The following RTBDN variants were observed in gnomAD, a reference collection of about 807,000 sequenced individuals.
The protein encoded by RTBDN is retbindin.
In RTBDN, 24 loss-of-function variants were observed where a neutral mutation model predicts 21.9. That is an observed-to-expected ratio of 1.10 (90% CI 0.79 to 1.54). RTBDN has a LOEUF of 1.54. Among genes scored for constraint, RTBDN ranks in the 40% most tolerant of loss-of-function variants. The pLI is 0.00. For synonymous variants in RTBDN, 141 were observed against 125.9 expected (o/e 1.12, Z -0.80); for missense variants, 325 against 315.2 (o/e 1.03, Z -0.23).
At position 12,825,889 on chromosome 19, in the gene RTBDN, G is replaced by A. The variant is rs756953519; in HGVS notation, c.507C>T (p.His169=). Residue 169 remains histidine (H), a synonymous_variant, in exon 6 of 6, where the codon CAC becomes CAT. Coordinates refer to ENST00000674343, the MANE Select transcript of RTBDN (RefSeq NM_001270441.2). ...GTDLCRSALG[H]ALPVAAPGAR... is the part of the protein sequence containing the mutation. ...CTCCAGGAGCAGCCACCGGTAGGGC[G>A]TGGCCCAGAGCCGAGCGACAAAGGT... The A allele has an allele frequency of 3.7e-6, 6 of 1,612,564 alleles. No homozygotes were observed. Among genetic ancestry groups the A allele is most frequent in the South Asian group, 1.1e-5 (1 of 90,866 alleles).
chr19:12,834,617 C>G, upstream of RTBDN: 1 of 1,515,380 alleles, frequency 6.6e-7, no homozygotes, highest in South Asian at 1.2e-5. This position sits in a 1 kb window ranked among gnomAD's most constrained non-coding sequence, Gnocchi z 4.7. Context: ...TCCAGCCCAG[C>G]TTGTGGGTGG....
chr19:12,832,863 A>T (rs1969629090), intron 1 of RTBDN: 1 of 152,148 alleles, frequency 6.6e-6, no homozygotes, highest in Non-Finnish European at 1.5e-5. Flanking sequence ...TTGGGGCCAG[A>T]TACTGGCCAC....
At chr19:12,826,369 C>G in intron 5 of RTBDN, 1 of 1,271,862 alleles carries the variant, frequency 7.9e-7, no homozygotes, top group Non-Finnish European at 1.0e-6. Context: ...GAGTACCAAT[C>G]CGGTCTCTGG....
Position 12,827,042 on chromosome 19 carries a change from A to G in RTBDN, c.366-171T>C, listed in dbSNP as rs1318165586. On this transcript the variant is annotated intron_variant, in intron 4 of 5. Coordinates refer to ENST00000674343, the MANE Select transcript of RTBDN (RefSeq NM_001270441.2). ...ATCTCTCCAGATTTCACCCTGCCCC[A>G]TATTCTATCAGATCTTTCCATACTC... The G allele has an allele frequency of 6.5e-6, 4 of 615,476 alleles. No individual in the cohort carries two copies. In the Admixed American group the frequency reaches 7.7e-5, roughly 12 times the overall value. The allele number at this position is 615,476 out of a possible 1,614,324, so 38.1% of individuals were successfully genotyped here. A position where few individuals can be genotyped will look rare whatever the true frequency, so the allele number is the denominator to read the frequency against.
upstream of RTBDN, chr19:12,834,620 G>T (rs898719983): frequency 6.6e-7 from 1 of 1,511,724 alleles, no homozygotes; most frequent in African/African-American, 1.4e-5. The surrounding 1 kb of genome is among the most constrained non-coding windows in gnomAD (Gnocchi z 4.7). Context: ...AGCCCAGCTT[G>T]TGGGTGGGCG....
In RTBDN at chr19:12,834,077, G is replaced by C; in HGVS notation, c.-19+412C>G. The C allele has an allele frequency of 2.5e-6, 1 of 398,056 alleles. No individual in the cohort carries two copies. 24.7% of individuals were successfully genotyped at this position (398,056 alleles called of 1,614,324 possible). On this transcript the variant is annotated intron_variant, in intron 1 of 5. Transcript: ENST00000674343. The surrounding 1 kb of genome is among the most constrained non-coding windows in gnomAD (Gnocchi z 4.7). ...CCTGGGGCGGGGCTGGGCAGGAGGC[G>C]GGAGAACTTGCACTAGGGTCAGCCG...
chr19:12,834,375 C>A lies in RTBDN; in HGVS notation c.-19+114G>T. ...AAGTTATTGCCCTAGGGCTCATGCC[C>A]CTCGGGGCCATCGGCGCCGCTGGAG... On this transcript the variant is annotated intron_variant, in intron 1 of 5. Transcript: ENST00000674343. The surrounding 1 kb of genome is among the most constrained non-coding windows in gnomAD (Gnocchi z 4.7). 1 of 787,946 alleles carries A rather than the reference C, an allele frequency of 1.3e-6. No homozygotes were observed. The highest frequency in any genetic ancestry group is 2.1e-6 in the Non-Finnish European group (1 of 483,432). 48.8% of individuals were successfully genotyped at this position (787,946 alleles called of 1,614,324 possible). A position where few individuals can be genotyped will look rare whatever the true frequency, so the allele number is the denominator to read the frequency against.
In RTBDN at chr19:12,825,768, G is replaced by A. The variant is rs751531402; in HGVS notation, c.628C>T (p.Arg210Cys). 3 of 1,609,874 alleles carry A rather than the reference G, an allele frequency of 1.9e-6. No homozygotes were observed. The highest frequency in any genetic ancestry group is 1.7e-4 in the Middle Eastern group (1 of 5,990). ...EAPSRRSRSP[R>C]TSILDAAGSG... Reference sequence around the variant, plus strand: ...CCCGCAGCGTCCAGGATGGAGGTGCGAGGGCTGCGGGAACGCCGGGAGGGA... The same window carrying A: ...CCCGCAGCGTCCAGGATGGAGGTGCAAGGGCTGCGGGAACGCCGGGAGGGA... The change falls in exon 6 of 6, where the codon CGC (arginine) becomes TGC (cysteine). Residue 210 changes from arginine (R) to cysteine (C), a missense_variant. Coordinates refer to ENST00000674343, the MANE Select transcript of RTBDN (RefSeq NM_001270441.2).
At chr19:12,829,531 C>T (rs1969470035) in intron 2 of RTBDN, among the ~76,000 whole-genome samples, 1 of 152,152 alleles carries the variant, frequency 6.6e-6, no homozygotes. Context: ...ATCTTAACAA[C>T]AGCTCTGCGA....
chr19:12,834,625 TG>T, upstream of RTBDN: 1 of 1,512,288 alleles, frequency 6.6e-7, no homozygotes, highest in Non-Finnish European at 8.9e-7. The surrounding 1 kb of genome is among the most constrained non-coding windows in gnomAD (Gnocchi z 4.7). Flanking sequence ...AGCTTGTGGG[TG>T]GGCGGGAGCG....
chr19:12,835,412 C>G (rs1969717620), upstream of RTBDN: 2 of 349,546 alleles, frequency 5.7e-6, no homozygotes, highest in East Asian at 5.0e-5. Flanking sequence ...AGGTTGGGTC[C>G]GCGCCGTCGG....
At chr19:12,829,727 T>A in intron 2 of RTBDN, 84 bp downstream of exon 2, 1 of 1,446,244 alleles carries the variant, frequency 6.9e-7, no homozygotes, top group East Asian at 2.3e-5. Flanking sequence ...TAGGCCCCTC[T>A]CATAAGGAAA....
rs536522746 is a variant in RTBDN, at chr19:12,830,418, G to A, written c.-18-421C>T. The A allele has an allele frequency of 5.1e-6, 5 of 989,320 alleles. No homozygotes were observed. Among genetic ancestry groups the A allele is most frequent in the African/African-American group, 3.5e-5 (2 of 57,412 alleles). The allele number at this position is 989,320 out of a possible 1,614,324, so 61.3% of individuals were successfully genotyped here. ...CCTCCTCCCTCTCTCGCTCCCTGCC[G>A]GCCCTTCTCTGGGTCACCTTCTCTC... On this transcript the variant is annotated intron_variant, in intron 1 of 5. Coordinates refer to ENST00000674343, the MANE Select transcript of RTBDN (RefSeq NM_001270441.2). This position sits in a 1 kb window ranked among gnomAD's most constrained non-coding sequence, Gnocchi z 4.2.
At chr19:12,831,145 G>A (rs530862001) in intron 1 of RTBDN, among the ~76,000 whole-genome samples, 1 of 151,818 alleles carries the variant, frequency 6.6e-6, no homozygotes, top group Non-Finnish European at 1.5e-5. Flanking sequence ...TGTGAGAAGG[G>A]GAAATGTAGC....
chr19:12,826,321 G>A (rs756609839), intron 5 of RTBDN: 125 of 1,223,224 alleles, frequency 1.0e-4, no homozygotes, highest in Non-Finnish European at 1.2e-4. Flanking sequence ...AACCCAGTAG[G>A]AGGTTGGGCT....
intron 2 of RTBDN, among the ~76,000 whole-genome samples, chr19:12,829,186 TC>T (rs1568398544): frequency 1.3e-5 from 2 of 150,688 alleles, no homozygotes; most frequent in Admixed American, 1.3e-4. Flanking sequence ...ATATACTTAA[TC>T]CTTTTCCTTT....
chr19:12,825,749 G>A lies in RTBDN; in HGVS notation c.647C>T (p.Ala216Val). 6.2e-7 allele frequency: 1 copy of A among 1,605,044 alleles called. No homozygotes were observed. Among genetic ancestry groups the A allele is most frequent in the Non-Finnish European group, 8.5e-7 (1 of 1,176,368 alleles). The change falls in exon 6 of 6, where the codon GCT becomes GTT. Residue 216 changes from alanine (A) to valine (V), a missense_variant. Physicochemically the swap from Ala to Val is moderately conservative, Grantham distance 64. Transcript: ENST00000674343. ...TCCACTGCCACTCCCGCTGCCCGCA[G>A]CGTCCAGGATGGAGGTGCGAGGGCT... Reference protein sequence around the residue: ...SRSPRTSILDAAGSGSGSGSG... With the variant: ...SRSPRTSILDVAGSGSGSGSG...
Position 12,834,003 on chromosome 19 carries a change from G to T in RTBDN, c.-19+486C>A. 2.5e-6 allele frequency: 1 copy of T among 398,428 alleles called. No individual in the cohort carries two copies. Among genetic ancestry groups the T allele is most frequent in the Non-Finnish European group, 4.4e-6 (1 of 225,800 alleles). The allele number at this position is 398,428 out of a possible 1,614,324, so 24.7% of individuals were successfully genotyped here. On this transcript the variant is annotated intron_variant, in intron 1 of 5. Transcript: ENST00000674343. This position sits in a 1 kb window ranked among gnomAD's most constrained non-coding sequence, Gnocchi z 4.7. ...CGGGCCTCATCCGCCGCCGGAGGCT[G>T]CAGGTACGCGGCTGCCTGGGCCCCG... is the stretch of plus-strand genomic sequence containing the variant.
chr19:12,826,210 TTCTGGGTCC>T, intron 5 of RTBDN: 3 of 1,324,262 alleles, frequency 2.3e-6, no homozygotes, highest in Non-Finnish European at 2.9e-6. Context: ...GTGACTGGGC[TTCTGGGTCC>T]TCCAGGGTAA....
Sources: allele counts gnomAD v4.1 joint callset (sites outside exome capture counted in the v4.1 genomes callset), GRCh38; gene constraint gnomAD v4.1.1; non-coding constraint Gnocchi (gnomAD v3.1); transcripts MANE v1.5; gene names NCBI Gene and HGNC (gene_info 2026-07-23, HGNC 2026-07-21).